Variants in APOH observed in about 807,000 individuals in gnomAD.
The protein encoded by APOH is beta-2-glycoprotein 1.
APOH carries 48 observed loss-of-function variants against 39.8 expected under a neutral mutation model. That is an observed-to-expected ratio of 1.21 (90% CI 0.96 to 1.54). APOH has a LOEUF of 1.54. Ranked by LOEUF, APOH falls within the 40% of genes most tolerant of loss-of-function variation. APOH has a pLI of 0.00. For synonymous variants in APOH, 153 were observed against 151.1 expected (o/e 1.01, Z -0.09); for missense variants, 415 against 421.2 (o/e 0.99, Z 0.13).
intron 5 of APOH, among the ~76,000 whole-genome samples, chr17:66,218,748 G>A (rs533154384): frequency 3.3e-5 from 5 of 152,218 alleles, no homozygotes; most frequent in Admixed American, 6.5e-5. Flanking sequence ...CTAGGCTCAC[G>A]CCTGTAATCC....
In APOH at chr17:66,216,441, G is replaced by T. The variant is rs536557464; in HGVS notation, c.784+347C>A. 4.0e-5 allele frequency among the ~76,000 whole-genome samples: 6 copies of T among 148,172 alleles called. No individual in the cohort carries two copies. In the South Asian group the frequency reaches 1.3e-3, roughly 32 times the overall value. The stretch of plus-strand genomic sequence containing the variant: ...AGAGGTGGCAGTGAGCCGAGATCAC[G>T]CCATTGCACTCCAGCCTGGGCGACA... On this transcript the variant is annotated intron_variant, in intron 6 of 7. Transcript: ENST00000205948.
chr17:66,214,267 C>T (rs1371013223), intron 7 of APOH, among the ~76,000 whole-genome samples, 186 bp downstream of exon 7: 2 of 152,112 alleles, frequency 1.3e-5, no homozygotes, highest in African/African-American at 2.4e-5. Context: ...CCTTTTTGGC[C>T]AGGCTGCTCT....
At chr17:66,224,985 T>C (rs1598553894) in intron 3 of APOH, among the ~76,000 whole-genome samples, 1 of 151,538 alleles carries the variant, frequency 6.6e-6, no homozygotes, top group East Asian at 1.9e-4. Flanking sequence ...GAGAATTGCT[T>C]GAACCCAGGA....
rs1420180728 is a variant in APOH, at chr17:66,220,612, T to G, written c.546A>C (p.Gly182=). ...FECLPQHAMF[G]NDTITCTTHG... is the part of the protein sequence containing the mutation. ...GTGTCGTGCAGGTAATTGTATCATTTCCAAACATCGCATGTTGTGGCAAAC... is the reference window on the plus strand; with the variant it reads ...GTGTCGTGCAGGTAATTGTATCATTGCCAAACATCGCATGTTGTGGCAAAC... Residue 182 remains glycine, a synonymous_variant, in exon 5 of 8, where the codon GGA becomes GGC. Transcript: ENST00000205948. 6.2e-7 allele frequency: 1 copy of G among 1,614,208 alleles called. No homozygotes were observed. The highest frequency in any genetic ancestry group is 1.1e-5 in the South Asian group (1 of 91,080).
In APOH at chr17:66,216,955, G is replaced by C. The variant is rs2073369473; in HGVS notation, c.617C>G (p.Pro206Arg). 6.3e-7 allele frequency: 1 copy of C among 1,592,516 alleles called. No individual in the cohort carries two copies. The highest frequency in any genetic ancestry group is 1.4e-5 in the African/African-American group (1 of 73,764). ...KLPECREVKC[P>R]FPSRPDNGFV... ...TCCATTGTCTGGTCTTGATGGGAAT[G>C]GGCATTTTACTTCTAAAACATTTAT... The change falls in exon 6 of 8, where the codon CCA becomes CGA. Residue 206 changes from proline (P) to arginine (R), a missense_variant. Physicochemically the swap from Pro to Arg is moderately radical, Grantham distance 103. Around this residue, in one of 3 missense-constraint regions of APOH, gnomAD observed 288 missense variants for 284.9 expected, o/e 1.01. Transcript: ENST00000205948.
intron 7 of APOH, 106 bp downstream of exon 7, chr17:66,214,346 AC>A (rs2073351741): frequency 9.2e-7 from 1 of 1,091,780 alleles, no homozygotes; most frequent in African/African-American, 1.6e-5. Context: ...GGCGTGACCC[AC>A]CGCACCTGGC....
At chr17:66,227,551 C>T (rs1043054263) in intron 2 of APOH, among the ~76,000 whole-genome samples, 3 of 152,102 alleles carry the variant, frequency 2.0e-5, no homozygotes, top group African/African-American at 7.2e-5. Context: ...AATTTGACCT[C>T]TTTTCTTGTA....
chr17:66,226,413 G>A (rs993643333), intron 2 of APOH, among the ~76,000 whole-genome samples: 2 of 152,176 alleles, frequency 1.3e-5, no homozygotes, highest in African/African-American at 4.8e-5. Context: ...AGAGGAGGGT[G>A]GATCACTTGA....
intron 5 of APOH, among the ~76,000 whole-genome samples, chr17:66,219,087 A>G (rs1259847361): frequency 2.0e-5 from 3 of 152,134 alleles, no homozygotes; most frequent in Admixed American, 2.0e-4. Context: ...TCTTGATTAG[A>G]TCCTGCATAA....
intron 5 of APOH, among the ~76,000 whole-genome samples, chr17:66,218,192 C>G (rs1321965058): frequency 6.6e-6 from 1 of 152,118 alleles, no homozygotes; most frequent in East Asian, 1.9e-4. Context: ...CTTACTATTC[C>G]AAAGAAAAAG....
At chr17:66,225,151 T>C (rs529148108) in intron 3 of APOH, among the ~76,000 whole-genome samples, 2 of 152,296 alleles carry the variant, frequency 1.3e-5, no homozygotes, top group South Asian at 2.1e-4. Context: ...CATTGGTAGA[T>C]TGGTGTTTCA....
rs8178917 is a variant in APOH, at chr17:66,222,850, C to T, written c.415+848G>A. Among the ~76,000 whole-genome samples the T allele has an allele frequency of 5.0e-3, 758 of 152,254 alleles. 5 individuals are homozygous for T. Among genetic ancestry groups the T allele is most frequent in the African/African-American group, 0.017 (694 of 41,558 alleles). ...ACTCCCAAAGTGCTGGCATTACAGG[C>T]GTGAACCACTGCACCTGCCCTCCTC... On this transcript the variant is annotated intron_variant, in intron 4 of 7. Coordinates refer to ENST00000205948, the MANE Select transcript of APOH (RefSeq NM_000042.3).
intron 5 of APOH, among the ~76,000 whole-genome samples, chr17:66,218,731 T>C (rs559943952): frequency 3.7e-4 from 57 of 152,302 alleles, no homozygotes; most frequent in Non-Finnish European, 6.5e-4. Context: ...TTCTTAATTA[T>C]AGGAGACTAG....
At chr17:66,227,237 ATTATG>A (rs1158423218) in intron 2 of APOH, among the ~76,000 whole-genome samples, 4 of 152,212 alleles carry the variant, frequency 2.6e-5, no homozygotes, top group Non-Finnish European at 5.9e-5. Context: ...TTTACTAAAA[ATTATG>A]TTTAGGCTCT....
At chr17:66,221,630 G>A (rs1005498384) in intron 4 of APOH, among the ~76,000 whole-genome samples, 1 of 152,108 alleles carries the variant, frequency 6.6e-6, no homozygotes, top group African/African-American at 2.4e-5. Flanking sequence ...GCTGGTGACA[G>A]CAACTTGGTA....
chr17:66,223,476 G>A (rs1323347091), intron 4 of APOH, among the ~76,000 whole-genome samples: 1 of 152,184 alleles, frequency 6.6e-6, no homozygotes, highest in Non-Finnish European at 1.5e-5. Context: ...TGACCGCGAG[G>A]TGGAGAATAC....
chr17:66,216,664 G>A, intron 6 of APOH, 124 bp downstream of exon 6: 2 of 948,198 alleles, frequency 2.1e-6, no homozygotes, highest in East Asian at 5.1e-5. Flanking sequence ...GAAGTCACAT[G>A]CCAGCAGTTT....
chr17:66,228,825 ATTC>A (rs896393105), intron 1 of APOH, among the ~76,000 whole-genome samples: 70 of 149,464 alleles, frequency 4.7e-4, no homozygotes, highest in African/African-American at 1.5e-3. Context: ...GAATTTAATT[ATTC>A]TTCTTCTTAT....
intron 4 of APOH, among the ~76,000 whole-genome samples, chr17:66,221,984 A>G (rs8178922): frequency 0.021 from 3,176 of 152,310 alleles, 110 homozygotes; most frequent in African/African-American, 0.071. Flanking sequence ...ATCAGAATCT[A>G]CATTTTAACA....
Sources: allele counts gnomAD v4.1 joint callset (sites outside exome capture counted in the v4.1 genomes callset), GRCh38; gene constraint gnomAD v4.1.1; regional missense constraint gnomAD v4.1.1; transcripts MANE v1.5; gene names NCBI Gene and HGNC (gene_info 2026-07-23, HGNC 2026-07-21).